Variants in SLC35F4 observed in about 807,000 individuals in gnomAD.
SLC35F4 encodes the protein solute carrier family 35 member F4, also known as chromosome 14 open reading frame 36.
Under a neutral mutation model 44.2 loss-of-function variants are expected in SLC35F4, and 24 were observed. The ratio of observed to expected loss-of-function variants is 0.54; its 90% CI spans 0.39 to 0.76. SLC35F4 has a LOEUF of 0.76. SLC35F4 is among the 30% of genes least tolerant of loss of function. The pLI is 0.00. For missense variants in SLC35F4, 562 were observed against 586.1 expected, an observed-to-expected ratio of 0.96 and a Z score of 0.42; for synonymous variants, 238 against 223.6, an observed-to-expected ratio of 1.06 and a Z score of -0.57.
intron 1 of SLC35F4, among the ~76,000 whole-genome samples, chr14:57,958,141 T>G (rs1020804580): frequency 1.8e-4 from 28 of 151,926 alleles, no homozygotes; most frequent in African/African-American, 6.8e-4. Context: ...CACCGCAAGC[T>G]CTGCCTCCCA....
At chr14:57,943,971 G>T (rs1185223829) in intron 1 of SLC35F4, among the ~76,000 whole-genome samples, 1 of 152,092 alleles carries the variant, frequency 6.6e-6, no homozygotes, top group Non-Finnish European at 1.5e-5. Context: ...GAGATGACAG[G>T]CAGCTATTGC....
intron 1 of SLC35F4, among the ~76,000 whole-genome samples, chr14:57,615,100 G>A (rs554115529): frequency 3.9e-4 from 60 of 152,312 alleles, no homozygotes; most frequent in African/African-American, 1.4e-3. Context: ...AGGTAGGGCT[G>A]TCTTTCCAGC....
chr14:57,752,399 C>G (rs1223325780), intron 1 of SLC35F4, among the ~76,000 whole-genome samples: 1 of 152,084 alleles, frequency 6.6e-6, no homozygotes, highest in Non-Finnish European at 1.5e-5. Context: ...AACTTGAGTC[C>G]ATCGGTCGGC....
chr14:57,753,660 C>G (rs1464958746), intron 1 of SLC35F4, among the ~76,000 whole-genome samples: 1 of 152,132 alleles, frequency 6.6e-6, no homozygotes, highest in Non-Finnish European at 1.5e-5. Flanking sequence ...TCTTACATAC[C>G]ACTTTGAGGG....
At chr14:57,809,474 G>A (rs72713067) in intron 1 of SLC35F4, among the ~76,000 whole-genome samples, 43,633 of 151,946 alleles carry the variant, frequency 0.29, 7,057 homozygotes, top group African/African-American at 0.41. Flanking sequence ...CGACCCAGAA[G>A]AACCTAAAGC....
chr14:57,600,552 C>A (rs367984076), intron 1 of SLC35F4, among the ~76,000 whole-genome samples: 8 of 147,794 alleles, frequency 5.4e-5, no homozygotes, highest in African/African-American at 2.0e-4. Context: ...ATTAGCCGGG[C>A]GTAGTGGCGG....
At chr14:57,943,777 G>A (rs1431560900) in intron 1 of SLC35F4, among the ~76,000 whole-genome samples, 1 of 152,208 alleles carries the variant, frequency 6.6e-6, no homozygotes, top group African/African-American at 2.4e-5. Context: ...TTGAGAAAGT[G>A]CCAAGTTTGG....
At chr14:57,795,056 T>A (rs1410047215) in intron 1 of SLC35F4, among the ~76,000 whole-genome samples, 1 of 152,110 alleles carries the variant, frequency 6.6e-6, no homozygotes, top group African/African-American at 2.4e-5. Flanking sequence ...GAGATAAAAT[T>A]AGCTCCCTTC....
chr14:57,758,889 A>G (rs992218275), intron 1 of SLC35F4, among the ~76,000 whole-genome samples: 2 of 152,084 alleles, frequency 1.3e-5, no homozygotes, highest in South Asian at 4.1e-4. Flanking sequence ...GGAACTCTCC[A>G]TTTCCCCCTC....
chr14:57,773,072 T>A (rs376198158), intron 1 of SLC35F4, among the ~76,000 whole-genome samples: 4 of 152,182 alleles, frequency 2.6e-5, no homozygotes, highest in Admixed American at 2.0e-4. Flanking sequence ...AGGTATCTCA[T>A]AATTTCTCTG....
At chr14:57,716,123 C>A (rs562701899) in intron 1 of SLC35F4, among the ~76,000 whole-genome samples, 8 of 152,098 alleles carry the variant, frequency 5.3e-5, no homozygotes, top group African/African-American at 1.9e-4. Flanking sequence ...CCACTGTGTG[C>A]GTGCGGGTTT....
intron 1 of SLC35F4, among the ~76,000 whole-genome samples, chr14:57,949,733 C>A (rs966189021): frequency 3.3e-5 from 5 of 152,086 alleles, no homozygotes; most frequent in Non-Finnish European, 5.9e-5. Flanking sequence ...GTGGTGAATT[C>A]TCTTAGCATT....
intron 1 of SLC35F4, among the ~76,000 whole-genome samples, chr14:57,691,302 G>A (rs146291965): frequency 2.6e-5 from 4 of 152,102 alleles, no homozygotes; most frequent in Admixed American, 6.6e-5. Flanking sequence ...ACACTATAAT[G>A]GACTGAAACC....
At chr14:57,641,933 A>C (rs1481276214) in intron 1 of SLC35F4, among the ~76,000 whole-genome samples, 1 of 152,024 alleles carries the variant, frequency 6.6e-6, no homozygotes, top group Non-Finnish European at 1.5e-5. Context: ...TTTGGGATTT[A>C]TTAAAGATTG....
intron 1 of SLC35F4, among the ~76,000 whole-genome samples, chr14:57,746,951 C>A (rs551457832): frequency 1.3e-5 from 2 of 152,292 alleles, no homozygotes; most frequent in African/African-American, 4.8e-5. Flanking sequence ...CCTGCCATCT[C>A]CTGCCCTACA....
chr14:57,772,113 G>A (rs1046487171), intron 1 of SLC35F4, among the ~76,000 whole-genome samples: 4 of 152,156 alleles, frequency 2.6e-5, no homozygotes, highest in Admixed American at 6.5e-5. Context: ...TGCACTTGAG[G>A]CTTAATATAA....
At chr14:57,645,870 AT>A (rs2073482950) in intron 1 of SLC35F4, among the ~76,000 whole-genome samples, 1 of 151,924 alleles carries the variant, frequency 6.6e-6, no homozygotes, top group Admixed American at 6.6e-5. Flanking sequence ...TTCTGCATCT[AT>A]TGAGATAATC....
intron 1 of SLC35F4, among the ~76,000 whole-genome samples, chr14:57,768,749 G>T (rs1220313750): frequency 6.8e-6 from 1 of 147,314 alleles, no homozygotes; most frequent in East Asian, 2.0e-4. Context: ...TGGGTTCTTG[G>T]TTTTTTTTTT....
Position 57,676,523 on chromosome 14 carries a change from T to G in SLC35F4, c.104-82399A>C, listed in dbSNP as rs138028842. Among the ~76,000 whole-genome samples the G allele has an allele frequency of 3.9e-5, 6 of 152,232 alleles. No homozygotes were observed. In the East Asian group the frequency reaches 1.2e-3, roughly 29 times the overall value. ...ATGTGCAGCAAACCATCATGGCACA[T>G]ATTTACCTATGTAACAAACTTGCAC... is the stretch of plus-strand genomic sequence containing the variant. On this transcript the variant is annotated intron_variant, in intron 1 of 7. Transcript: ENST00000556826.
Sources: allele counts gnomAD v4.1 joint callset (sites outside exome capture counted in the v4.1 genomes callset), GRCh38; gene constraint gnomAD v4.1.1; transcripts MANE v1.5; gene names NCBI Gene and HGNC (gene_info 2026-07-23, HGNC 2026-07-21).